RGS7: variants seen among roughly 807,000 people sequenced by gnomAD.
The protein encoded by RGS7 is regulator of G protein signaling 7.
In RGS7, 27 loss-of-function variants were observed where a neutral mutation model predicts 81.1. The ratio of observed to expected loss-of-function variants is 0.33; its 90% CI spans 0.25 to 0.46. The LOEUF is 0.46. Among genes scored for constraint, RGS7 ranks in the 20% least tolerant of loss-of-function variants. The probability of loss-of-function intolerance (pLI) is 1.00; values close to 1 mark genes in which losing one functional copy is unlikely to be tolerated. For missense variants in RGS7, 396 were observed against 607.4 expected (o/e 0.65, Z 3.66); for synonymous variants, 208 against 207.7 (o/e 1.00, Z -0.01).
At chr1:240,929,069 T>C (rs1207406622) in intron 6 of RGS7, among the ~76,000 whole-genome samples, 2 of 152,202 alleles carry the variant, frequency 1.3e-5, no homozygotes, top group African/African-American at 4.8e-5. Context: ...CTTTAGGAAG[T>C]CAATATGATT....
chr1:240,953,917 G>A (rs1276319700), intron 4 of RGS7, among the ~76,000 whole-genome samples: 4 of 151,920 alleles, frequency 2.6e-5, no homozygotes, highest in African/African-American at 7.2e-5. Flanking sequence ...ATCAGAGAGT[G>A]GTCATCATTA....
intron 2 of RGS7, among the ~76,000 whole-genome samples, chr1:241,260,989 G>A (rs1032191227): frequency 5.9e-5 from 9 of 151,386 alleles, no homozygotes; most frequent in African/African-American, 2.2e-4. Context: ...GAGTTAGTGG[G>A]TGCAGCACAC....
intron 2 of RGS7, among the ~76,000 whole-genome samples, chr1:241,220,966 G>GC: frequency 2.0e-5 from 1 of 49,500 alleles, no homozygotes; most frequent in African/African-American, 5.2e-5. Flanking sequence ...AGGAAGGAAG[G>GC]AAGGAAGGAA....
At chr1:241,148,817 TAAAAC>T (rs1014524134) in intron 2 of RGS7, among the ~76,000 whole-genome samples, 11 of 152,362 alleles carry the variant, frequency 7.2e-5, no homozygotes, top group Admixed American at 4.6e-4. Flanking sequence ...ACACCACACA[TAAAAC>T]AAATAACAGT....
chr1:241,129,223 G>C (rs2066904823), intron 2 of RGS7, among the ~76,000 whole-genome samples: 2 of 150,530 alleles, frequency 1.3e-5, no homozygotes, highest in African/African-American at 4.9e-5. Flanking sequence ...GCGTGTTTAA[G>C]TGTACCACTG....
intron 3 of RGS7, among the ~76,000 whole-genome samples, chr1:241,064,327 G>C (rs182086464): frequency 6.8e-6 from 1 of 147,656 alleles, no homozygotes. Context: ...AGCTCCCATC[G>C]GTAATCCCAG....
intron 3 of RGS7, among the ~76,000 whole-genome samples, chr1:241,055,620 G>A (rs759146131): frequency 1.3e-5 from 2 of 152,178 alleles, no homozygotes; most frequent in Non-Finnish European, 2.9e-5. Context: ...TGGAGCTTCC[G>A]TGGCCTCCCC....
intron 3 of RGS7, among the ~76,000 whole-genome samples, chr1:241,054,637 T>G (rs2061398005): frequency 6.6e-6 from 1 of 152,354 alleles, no homozygotes; most frequent in East Asian, 1.9e-4. Flanking sequence ...TATACCCTAC[T>G]TCCTGACCTG....
intron 2 of RGS7, among the ~76,000 whole-genome samples, chr1:241,257,244 T>C (rs1434547810): frequency 1.3e-5 from 2 of 152,132 alleles, no homozygotes; most frequent in Non-Finnish European, 2.9e-5. Context: ...CTCTACTTCA[T>C]AGATGTCACC....
At chr1:240,913,931 C>CT (rs1319915303) in intron 6 of RGS7, among the ~76,000 whole-genome samples, 6 of 148,838 alleles carry the variant, frequency 4.0e-5, no homozygotes, top group African/African-American at 1.5e-4. Context: ...TATTATTATA[C>CT]TTTAAGTTTT....
At chr1:240,821,523 C>A (rs1030991777) in intron 10 of RGS7, among the ~76,000 whole-genome samples, 8 of 152,210 alleles carry the variant, frequency 5.3e-5, no homozygotes, top group African/African-American at 1.9e-4. Context: ...CTTTACTATA[C>A]CCTTTACTTG....
At chr1:240,843,792 A>C (rs978212669) in intron 9 of RGS7, among the ~76,000 whole-genome samples, 4 of 152,226 alleles carry the variant, frequency 2.6e-5, no homozygotes, top group Non-Finnish European at 5.9e-5. Context: ...GAGAAAATTC[A>C]TTTGAAGAAG....
At chr1:241,034,483 G>A (rs2060235290) in intron 3 of RGS7, among the ~76,000 whole-genome samples, 1 of 152,168 alleles carries the variant, frequency 6.6e-6, no homozygotes, top group Admixed American at 6.5e-5. Flanking sequence ...GATGGAACAC[G>A]ATGTTACAAA....
chr1:241,138,044 G>T (rs1351586615), intron 2 of RGS7, among the ~76,000 whole-genome samples: 1 of 151,908 alleles, frequency 6.6e-6, no homozygotes, highest in South Asian at 2.1e-4. Context: ...GGTGGCAGGT[G>T]CCTGTAATCC....
chr1:240,932,356 A>C (rs1323361614), intron 5 of RGS7, among the ~76,000 whole-genome samples: 1 of 152,170 alleles, frequency 6.6e-6, no homozygotes, highest in Non-Finnish European at 1.5e-5. Flanking sequence ...GGATAGTAAG[A>C]CTTTATGTGG....
intron 2 of RGS7, among the ~76,000 whole-genome samples, chr1:241,123,795 C>A (rs1245957350): frequency 6.6e-6 from 1 of 152,028 alleles, no homozygotes; most frequent in Non-Finnish European, 1.5e-5. Flanking sequence ...GTTTTGGTAT[C>A]AAATAAGCCC....
chr1:241,307,991 TTCA>T (rs1201168820), intron 2 of RGS7, among the ~76,000 whole-genome samples: 1 of 152,200 alleles, frequency 6.6e-6, no homozygotes, highest in Non-Finnish European at 1.5e-5. Flanking sequence ...ATCGACTGAC[TTCA>T]TTCTTATGAT....
chr1:240,901,016 G>A (rs2616966), intron 6 of RGS7, among the ~76,000 whole-genome samples: 52,283 of 151,960 alleles, frequency 0.34, 9,398 homozygotes, highest in East Asian at 0.51. Flanking sequence ...CCCCAGCCTC[G>A]CTGCTGCCTT....
chr1:240,793,618 T>C (rs930182539), intron 18 of RGS7, among the ~76,000 whole-genome samples: 3 of 133,590 alleles, frequency 2.2e-5, no homozygotes, highest in African/African-American at 9.5e-5. Context: ...TATATTTTTT[T>C]TTTTTTTTTG....
Sources: allele counts gnomAD v4.1 joint callset (sites outside exome capture counted in the v4.1 genomes callset), GRCh38; gene constraint gnomAD v4.1.1; transcripts MANE v1.5; gene names NCBI Gene and HGNC (gene_info 2026-07-23, HGNC 2026-07-21).